Variants in MYO3B observed in about 807,000 individuals in gnomAD.
The protein encoded by MYO3B is myosin IIIB, also known as myosin-IIIb.
MYO3B carries 156 observed loss-of-function variants against 174.6 expected under a neutral mutation model. The observed-to-expected ratio is 0.89, with a 90% confidence interval of 0.78 to 1.02. MYO3B has a LOEUF of 1.02. MYO3B is among the 50% of genes least tolerant of loss of function. The pLI, the probability that MYO3B is intolerant of heterozygous loss-of-function variation, is 0.00. For missense variants in MYO3B, 1,632 were observed against 1,639.4 expected (o/e 1.00, Z 0.08); for synonymous variants, 563 against 569.1 (o/e 0.99, Z 0.15).
chr2:170,311,551 T>C (rs1272570953), intron 7 of MYO3B, among the ~76,000 whole-genome samples: 4 of 151,776 alleles, frequency 2.6e-5, no homozygotes, highest in African/African-American at 9.7e-5. Flanking sequence ...TTTTCCTGTT[T>C]TGTGGGTTGT....
intron 7 of MYO3B, among the ~76,000 whole-genome samples, chr2:170,252,352 T>C (rs965001897): frequency 9.2e-5 from 14 of 152,126 alleles, no homozygotes; most frequent in Non-Finnish European, 1.3e-4. Context: ...TGGCACAAAA[T>C]TGTAAGTAAG....
intron 32 of MYO3B, among the ~76,000 whole-genome samples, chr2:170,625,366 A>G (rs970874953): frequency 1.3e-5 from 2 of 152,122 alleles, no homozygotes; most frequent in African/African-American, 4.8e-5. Context: ...AGGTGTTTAT[A>G]GTATTCTCTG....
chr2:170,347,343 T>A (rs2094024117), intron 8 of MYO3B, among the ~76,000 whole-genome samples: 1 of 152,170 alleles, frequency 6.6e-6, no homozygotes, highest in Non-Finnish European at 1.5e-5. Context: ...GGATCACATC[T>A]GTAATCCCAG....
Position 170,640,265 on chromosome 2 carries a change from T to A in MYO3B, c.3734-11363T>A. The A allele has an allele frequency of 2.0e-5, 3 of 152,326 alleles. No homozygotes were observed. The South Asian group carries it at 6.2e-4, about 32-fold the overall frequency. 9.4% of individuals were successfully genotyped at this position (152,326 alleles called of 1,614,324 possible). On this transcript the variant is annotated intron_variant, in intron 32 of 34. Coordinates refer to ENST00000408978, the MANE Select transcript of MYO3B (RefSeq NM_138995.5). ...AAAAGCCCTTCAGATGATTCTAATA[T>A]GCATCCAGGGTGGAGAACCACTCCA... is the stretch of plus-strand genomic sequence containing the variant.
intron 32 of MYO3B, among the ~76,000 whole-genome samples, chr2:170,555,057 G>A (rs111888602): frequency 0.6 from 90,696 of 151,202 alleles, 29,903 homozygotes; most frequent in Non-Finnish European, 0.75. Context: ...TTTTATGTTT[G>A]TTTGTTTTCT....
At chr2:170,553,879 A>C (rs1389978010) in intron 32 of MYO3B, among the ~76,000 whole-genome samples, 1 of 152,136 alleles carries the variant, frequency 6.6e-6, no homozygotes, top group Non-Finnish European at 1.5e-5. Context: ...TTCTCACAAG[A>C]TCTGATTGTT....
At chr2:170,289,113 T>C (rs1468673682) in intron 7 of MYO3B, among the ~76,000 whole-genome samples, 2 of 152,134 alleles carry the variant, frequency 1.3e-5, no homozygotes, top group Admixed American at 6.6e-5. Context: ...GGTTTGCTAG[T>C]GTTCTGTTGA....
chr2:170,620,533 A>T (rs1575263993), intron 32 of MYO3B, among the ~76,000 whole-genome samples: 1 of 152,230 alleles, frequency 6.6e-6, no homozygotes, highest in Non-Finnish European at 1.5e-5. Flanking sequence ...AGCCTGCCCC[A>T]TCTTCACAGA....
intron 3 of MYO3B, among the ~76,000 whole-genome samples, chr2:170,210,854 C>A (rs1012562783): frequency 6.6e-6 from 1 of 152,020 alleles, no homozygotes; most frequent in Admixed American, 6.6e-5. Flanking sequence ...TCCATTAGAC[C>A]AATTAATTAG....
intron 32 of MYO3B, among the ~76,000 whole-genome samples, chr2:170,575,023 G>A (rs1692702844): frequency 6.6e-6 from 1 of 152,090 alleles, no homozygotes; most frequent in Non-Finnish European, 1.5e-5. Context: ...GTGTAAACTG[G>A]TTTTGAGAGT....
At chr2:170,493,196 A>G (rs1686603648) in intron 25 of MYO3B, among the ~76,000 whole-genome samples, 1 of 152,214 alleles carries the variant, frequency 6.6e-6, no homozygotes, top group African/African-American at 2.4e-5. Flanking sequence ...CTAAACAAGC[A>G]AAAGCTAAAG....
intron 25 of MYO3B, among the ~76,000 whole-genome samples, chr2:170,485,871 A>C (rs1686018287): frequency 6.6e-6 from 1 of 152,258 alleles, no homozygotes; most frequent in African/African-American, 2.4e-5. Flanking sequence ...AAGTCACTTA[A>C]TTTCCCTGGG....
chr2:170,383,353 A>T (rs1248433023), intron 11 of MYO3B, among the ~76,000 whole-genome samples, 164 bp downstream of exon 11: 1 of 152,228 alleles, frequency 6.6e-6, no homozygotes, highest in African/African-American at 2.4e-5. Context: ...ACATCTTGAG[A>T]ATACCTTTTT....
intron 25 of MYO3B, among the ~76,000 whole-genome samples, chr2:170,490,173 C>T (rs1289108535): frequency 6.6e-6 from 1 of 151,890 alleles, no homozygotes; most frequent in Non-Finnish European, 1.5e-5. Context: ...GGACTACAAG[C>T]ATCTGCTACC....
intron 32 of MYO3B, among the ~76,000 whole-genome samples, chr2:170,629,177 G>C (rs1329781180): frequency 6.6e-6 from 1 of 152,222 alleles, no homozygotes; most frequent in Non-Finnish European, 1.5e-5. Flanking sequence ...ACTGTCAAAA[G>C]TTTAGGATTG....
intron 32 of MYO3B, among the ~76,000 whole-genome samples, chr2:170,619,079 T>G (rs1695658969): frequency 6.6e-6 from 1 of 152,196 alleles, no homozygotes. Flanking sequence ...GAAGGGAGTA[T>G]GCCTTAACCC....
chr2:170,560,704 G>A lies in MYO3B; in HGVS notation c.3733+16716G>A, dbSNP rs150143508. On this transcript the variant is annotated intron_variant, in intron 32 of 34. Coordinates refer to ENST00000408978, the MANE Select transcript of MYO3B (RefSeq NM_138995.5). ...TTCAAAGGAGCCGTTTTTATGCCAG[G>A]ACACAATGGCTGGGTTCTCCCAATG... is the stretch of plus-strand genomic sequence containing the variant. 5.1e-3 allele frequency among the ~76,000 whole-genome samples: 782 copies of A among 152,250 alleles called. 3 individuals carry two copies. Among genetic ancestry groups the A allele is most frequent in the South Asian group, 0.019 (93 of 4,818 alleles).
intron 7 of MYO3B, among the ~76,000 whole-genome samples, chr2:170,279,463 TA>T (rs143714663): frequency 0.34 from 50,233 of 148,854 alleles, 8,525 homozygotes; most frequent in South Asian, 0.47. Flanking sequence ...TTTGTCCACT[TA>T]AAAAAAAAAA....
At chr2:170,400,370 C>G (rs1315357843) in intron 17 of MYO3B, 56 bp downstream of exon 17, 2 of 1,576,052 alleles carry the variant, frequency 1.3e-6, no homozygotes, top group Admixed American at 3.5e-5. Context: ...CTTCTTTAGG[C>G]TCTGTAAAAT....
Sources: gnomAD v4.1 joint callset for allele counts (sites outside exome capture counted in the v4.1 genomes callset) on GRCh38, gnomAD v4.1.1 for gene constraint, MANE v1.5 for transcripts, NCBI Gene and HGNC (gene_info 2026-07-23, HGNC 2026-07-21) for gene names.